Variants in CPAP observed in about 807,000 individuals in gnomAD.
The protein encoded by CPAP is centrosomal P4.1-associated protein.
At chr13:24,928,193 A>G in the CPAP span, among the ~76,000 whole-genome samples, 1 of 152,194 alleles carries the variant, frequency 6.6e-6, no homozygotes, top group Non-Finnish European at 1.5e-5. Context: ...TAAACACTGC[A>G]TACCTGTGTC....
the CPAP span, chr13:24,909,973 G>C: frequency 1.2e-6 from 2 of 1,614,124 alleles, no homozygotes; most frequent in Non-Finnish European, 1.7e-6. Context: ...GTTTCTTCCT[G>C]GGTTGGGTCC....
At chr13:24,919,106 C>T in the CPAP span, among the ~76,000 whole-genome samples, 1 of 152,060 alleles carries the variant, frequency 6.6e-6, no homozygotes, top group African/African-American at 2.4e-5. Context: ...AATAGGTTAT[C>T]TGAGTTGAGG....
At chr13:24,907,259 G>C in the CPAP span, 4 of 1,319,828 alleles carry the variant, frequency 3.0e-6, no homozygotes, top group Admixed American at 7.1e-5. Context: ...CACTTAGTGT[G>C]CCTGGTATAG....
the CPAP span, chr13:24,886,298 A>C: frequency 7.8e-7 from 1 of 1,288,996 alleles, no homozygotes; most frequent in Non-Finnish European, 1.0e-6. Flanking sequence ...ACAGAGCTGG[A>C]TGTTACGGGA....
the CPAP span, among the ~76,000 whole-genome samples, chr13:24,905,112 G>C: frequency 6.6e-6 from 1 of 152,120 alleles, no homozygotes; most frequent in East Asian, 1.9e-4. Context: ...AACCAGGTCT[G>C]GGGAAGAAAG....
At chr13:24,915,073 T>A in the CPAP span, among the ~76,000 whole-genome samples, 4 of 150,270 alleles carry the variant, frequency 2.7e-5, no homozygotes, top group African/African-American at 7.4e-5. Context: ...AGACTCTCTC[T>A]CAAAAAATAA....
the CPAP span, among the ~76,000 whole-genome samples, chr13:24,914,214 G>A: frequency 6.6e-6 from 1 of 152,146 alleles, no homozygotes; most frequent in Non-Finnish European, 1.5e-5. Flanking sequence ...TACAAGTTGT[G>A]CAGCTATCAG....
At chr13:24,897,521 T>C in the CPAP span, among the ~76,000 whole-genome samples, 1 of 152,220 alleles carries the variant, frequency 6.6e-6, no homozygotes, top group Admixed American at 6.5e-5. Context: ...AGTTATTCAG[T>C]ACAGCCCTTC....
chr13:24,883,283 G>GT, the CPAP span: 1 of 1,613,826 alleles, frequency 6.2e-7, no homozygotes, highest in Non-Finnish European at 8.5e-7. Flanking sequence ...GGTTTTAACA[G>GT]TGCCATCTGG....
chr13:24,883,505 G>GTAAC, the CPAP span: 1 of 631,696 alleles, frequency 1.6e-6, no homozygotes, highest in Admixed American at 2.9e-5. Flanking sequence ...CTATACAATT[G>GTAAC]TAACTTTCTA....
At chr13:24,892,052 T>C in the CPAP span, among the ~76,000 whole-genome samples, 1 of 152,170 alleles carries the variant, frequency 6.6e-6, no homozygotes, top group Non-Finnish European at 1.5e-5. Flanking sequence ...GTTTTATTAT[T>C]TGGCTTATTA....
the CPAP span, chr13:24,924,976 CAT>C: frequency 6.6e-6 from 1 of 152,184 alleles, no homozygotes; most frequent in East Asian, 1.9e-4. Context: ...AAAACCTCCA[CAT>C]AGTAAAAAGT....
At chr13:24,889,016 A>G in the CPAP span, among the ~76,000 whole-genome samples, 1 of 152,174 alleles carries the variant, frequency 6.6e-6, no homozygotes, top group Non-Finnish European at 1.5e-5. Flanking sequence ...GCTCCAATGA[A>G]TGTTTCCTTT....
chr13:24,901,894 AGGT>A, the CPAP span, among the ~76,000 whole-genome samples: 1 of 152,298 alleles, frequency 6.6e-6, no homozygotes, highest in South Asian at 2.1e-4. Context: ...CAGGAGGCTG[AGGT>A]GGAGGATGGT....
chr13:24,883,904 A>C, the CPAP span: 12 of 1,609,876 alleles, frequency 7.5e-6, no homozygotes, highest in African/African-American at 1.3e-5. Flanking sequence ...GCACCTTCTG[A>C]GCACAGATGA....
the CPAP span, chr13:24,883,081 CACACAT>C: frequency 9.1e-7 from 1 of 1,101,836 alleles, no homozygotes; most frequent in South Asian, 1.3e-5. Context: ...ATCTTTTCCC[CACACAT>C]ACACAATAAA....
chr13:24,884,396 C>G, the CPAP span: 2 of 1,614,088 alleles, frequency 1.2e-6, no homozygotes, highest in Non-Finnish European at 1.7e-6. Context: ...CCCATCTGCA[C>G]TCACTTCCTT....
the CPAP span, chr13:24,907,160 C>A: frequency 6.2e-7 from 1 of 1,613,812 alleles, no homozygotes; most frequent in Non-Finnish European, 8.5e-7. Flanking sequence ...CTTCAAAGGT[C>A]TGTTTCCTTT....
chr13:24,902,504 T>A, the CPAP span, among the ~76,000 whole-genome samples: 1 of 152,244 alleles, frequency 6.6e-6, no homozygotes, highest in Non-Finnish European at 1.5e-5. Flanking sequence ...TTTTTAAGCA[T>A]ACTGCAGATT....
Sources: allele counts gnomAD v4.1 joint callset (sites outside exome capture counted in the v4.1 genomes callset), GRCh38; gene constraint gnomAD v4.1.1; transcripts MANE v1.5; gene names NCBI Gene and HGNC (gene_info 2026-07-23, HGNC 2026-07-21).